Variants in SMARCC1 observed in about 807,000 individuals in gnomAD.
The protein encoded by SMARCC1 is SWI/SNF related BAF chromatin remodeling complex subunit C1.
Under a neutral mutation model 147.4 loss-of-function variants are expected in SMARCC1, and 43 were observed. The ratio of observed to expected loss-of-function variants is 0.29; its 90% CI spans 0.23 to 0.38. SMARCC1 has a LOEUF of 0.38. SMARCC1 is among the 10% of genes least tolerant of loss of function. SMARCC1 has a pLI of 1.00. For missense variants in SMARCC1, 1,119 were observed against 1,381.1 expected, an observed-to-expected ratio of 0.81 and a Z score of 3.01; for synonymous variants, 495 against 484.4, an observed-to-expected ratio of 1.02 and a Z score of -0.29.
intron 10 of SMARCC1, among the ~76,000 whole-genome samples, chr3:47,705,285 A>G (rs566312326): frequency 8.4e-4 from 120 of 142,476 alleles, no homozygotes; most frequent in African/African-American, 3.0e-3. Flanking sequence ...AGATTGTGCC[A>G]CTGCACTCCA....
chr3:47,667,817 C>T (rs2033441796), intron 19 of SMARCC1, among the ~76,000 whole-genome samples: 1 of 152,090 alleles, frequency 6.6e-6, no homozygotes, highest in Admixed American at 6.5e-5. Context: ...GCAGAGGTTG[C>T]AGTGAGCTGA....
rs559183533 is a variant in SMARCC1, at chr3:47,630,819, T to C, written c.2646+4371A>G. Among the ~76,000 whole-genome samples the C allele has an allele frequency of 8.5e-5, 13 of 152,278 alleles. 1 individual carries two copies. In the South Asian group the frequency reaches 1.7e-3, roughly 19 times the overall value. On this transcript the variant is annotated intron_variant, in intron 24 of 27. Coordinates refer to ENST00000254480, the MANE Select transcript of SMARCC1 (RefSeq NM_003074.4). ...GGCTGACACCGGTAATCCCAGGACA[T>C]TGGGAGACTGAGGTGGGCAGATTCC... is the stretch of plus-strand genomic sequence containing the variant.
At chr3:47,603,872 G>A (rs1014320614) in intron 26 of SMARCC1, 1 of 358,872 alleles carries the variant, frequency 2.8e-6, no homozygotes, top group East Asian at 7.4e-5. Context: ...TTGGTAGGAA[G>A]AAACCAAGTT....
chr3:47,748,420 T>C (rs2034591004), intron 2 of SMARCC1, among the ~76,000 whole-genome samples: 1 of 152,108 alleles, frequency 6.6e-6, no homozygotes, highest in Admixed American at 6.6e-5. Flanking sequence ...GACAAACTTT[T>C]GCCATATTGG....
chr3:47,695,919 C>G (rs28483599), intron 11 of SMARCC1, among the ~76,000 whole-genome samples: 1 of 119,850 alleles, frequency 8.3e-6, no homozygotes, highest in Non-Finnish European at 1.7e-5. Flanking sequence ...CAAAAAAAAT[C>G]AGCCGGGCGT....
chr3:47,715,589 C>T (rs1230186764), intron 7 of SMARCC1, among the ~76,000 whole-genome samples: 1 of 152,192 alleles, frequency 6.6e-6, no homozygotes, highest in Non-Finnish European at 1.5e-5. Flanking sequence ...GTTAATTTTT[C>T]ACATAGCCAT....
chr3:47,698,973 A>AT (rs2033886517), intron 11 of SMARCC1, among the ~76,000 whole-genome samples: 1 of 152,186 alleles, frequency 6.6e-6, no homozygotes, highest in Non-Finnish European at 1.5e-5. Flanking sequence ...AAACAACTAA[A>AT]TACCTATGTG....
At chr3:47,779,278 AATC>A (rs2035014568) in intron 1 of SMARCC1, among the ~76,000 whole-genome samples, 1 of 152,174 alleles carries the variant, frequency 6.6e-6, no homozygotes, top group African/African-American at 2.4e-5. Flanking sequence ...ACACTAACAA[AATC>A]ATGTTTACTG....
chr3:47,778,197 AAAAAACAAAAAACAAAAAAC>A (rs2034998303), intron 1 of SMARCC1, among the ~76,000 whole-genome samples: 1 of 144,750 alleles, frequency 6.9e-6, no homozygotes, highest in South Asian at 2.1e-4. Flanking sequence ...TCTCAAAAAA[AAAAAACAAAAAACAAAAAAC>A]AAAAAAAACA....
At chr3:47,614,177 T>C (rs1440353467) in intron 25 of SMARCC1, among the ~76,000 whole-genome samples, 2 of 152,234 alleles carry the variant, frequency 1.3e-5, no homozygotes, top group Non-Finnish European at 2.9e-5. Flanking sequence ...TCCCTTTTTA[T>C]ACCTGAGGTA....
At chr3:47,754,791 C>T (rs2034668831) in intron 2 of SMARCC1, among the ~76,000 whole-genome samples, 1 of 152,152 alleles carries the variant, frequency 6.6e-6, no homozygotes, top group South Asian at 2.1e-4. Flanking sequence ...GCCTGTAATG[C>T]CAGAACTTTG....
At chr3:47,739,988 T>C (rs906374985) in intron 3 of SMARCC1, among the ~76,000 whole-genome samples, 2 of 152,006 alleles carry the variant, frequency 1.3e-5, no homozygotes, top group Non-Finnish European at 2.9e-5. Flanking sequence ...GCGATTCTCC[T>C]GCCTCAGCCT....
At position 47,701,403 on chromosome 3, in the gene SMARCC1, C is replaced by G; in HGVS notation, c.1041-1G>C. 2 of 1,613,434 alleles carry G rather than the reference C, an allele frequency of 1.2e-6. No individual in the cohort carries two copies. Among genetic ancestry groups the G allele is most frequent in the Non-Finnish European group, 1.7e-6 (2 of 1,179,548 alleles). ...GCGCTTCCCATAAAGGCTAGCTTGGCTAAAACATACAAGTATATGAAATAT... is the reference window on the plus strand; with the variant it reads ...GCGCTTCCCATAAAGGCTAGCTTGGGTAAAACATACAAGTATATGAAATAT... On this transcript the variant is annotated splice_acceptor_variant, in intron 10 of 27. Coordinates refer to ENST00000254480, the MANE Select transcript of SMARCC1 (RefSeq NM_003074.4). LOFTEE classifies it high-confidence loss of function.
intron 24 of SMARCC1, among the ~76,000 whole-genome samples, chr3:47,630,499 T>C (rs2032871884): frequency 6.6e-6 from 1 of 152,194 alleles, no homozygotes; most frequent in Non-Finnish European, 1.5e-5. Flanking sequence ...ATAATCCAGC[T>C]GGCATAGGGT....
intron 12 of SMARCC1, among the ~76,000 whole-genome samples, chr3:47,690,198 AAAAAG>A (rs1186535968): frequency 6.6e-6 from 1 of 152,186 alleles, no homozygotes; most frequent in South Asian, 2.1e-4. Flanking sequence ...TCTTATTAAA[AAAAAG>A]AAAAGAAAAG....
intron 6 of SMARCC1, among the ~76,000 whole-genome samples, chr3:47,723,845 C>T (rs1000186374): frequency 1.3e-4 from 19 of 151,632 alleles, no homozygotes; most frequent in Admixed American, 1.1e-3. Flanking sequence ...AAAAGAAAAA[C>T]GAAAAAAGTA....
intron 21 of SMARCC1, among the ~76,000 whole-genome samples, chr3:47,655,385 C>A (rs530265130): frequency 1.3e-5 from 2 of 151,302 alleles, no homozygotes; most frequent in African/African-American, 4.9e-5. Flanking sequence ...GGTGACAAAG[C>A]GAGACACTGT....
At chr3:47,757,557 A>G (rs2034715024) in intron 2 of SMARCC1, among the ~76,000 whole-genome samples, 1 of 152,076 alleles carries the variant, frequency 6.6e-6, no homozygotes, top group African/African-American at 2.4e-5. Flanking sequence ...CAGGTGGATC[A>G]TGAGGTCAGG....
In SMARCC1 at chr3:47,704,477, T is replaced by C. The variant is rs1021315687; in HGVS notation, c.1040+1932A>G. 6.6e-5 allele frequency among the ~76,000 whole-genome samples: 10 copies of C among 152,194 alleles called. No homozygotes were observed. The East Asian group carries it at 1.7e-3, about 26-fold the overall frequency. ...GTATATGTCACCACTGTGAGCCTCATGCCTCCTAGAGATCACATCTTGGTT... is the reference window on the plus strand; with the variant it reads ...GTATATGTCACCACTGTGAGCCTCACGCCTCCTAGAGATCACATCTTGGTT... On this transcript the variant is annotated intron_variant, in intron 10 of 27. Transcript: ENST00000254480.
Sources: allele counts gnomAD v4.1 joint callset (sites outside exome capture counted in the v4.1 genomes callset), GRCh38; gene constraint gnomAD v4.1.1; transcripts MANE v1.5; gene names NCBI Gene and HGNC (gene_info 2026-07-23, HGNC 2026-07-21).